LOC128125822: variants seen among roughly 807,000 people sequenced by gnomAD.
the LOC128125822 span, chr6:63,580,457 G>A: frequency 6.9e-6 from 2 of 288,480 alleles, no homozygotes; most frequent in Non-Finnish European, 6.6e-6. Context: ...ATTGAGTTAT[G>A]ACTTGTTAAA....
chr6:63,580,402 G>C, the LOC128125822 span: 1 of 462,650 alleles, frequency 2.2e-6, no homozygotes, highest in Non-Finnish European at 3.9e-6. Context: ...CATATAAAAT[G>C]TGCTTGTCAT....
At chr6:63,575,652 T>C in the LOC128125822 span, among the ~76,000 whole-genome samples, 2 of 152,186 alleles carry the variant, frequency 1.3e-5, no homozygotes, top group African/African-American at 4.8e-5. Flanking sequence ...ATTTTGGTTT[T>C]AAAATACAAA....
the LOC128125822 span, chr6:63,578,769 G>A: frequency 8.7e-7 from 1 of 1,153,508 alleles, no homozygotes; most frequent in Non-Finnish European, 1.2e-6. Context: ...AGACAACAGG[G>A]TTTAATAAGA....
the LOC128125822 span, chr6:63,576,718 A>G: frequency 1.6e-6 from 1 of 624,264 alleles, no homozygotes; most frequent in South Asian, 2.1e-5. Flanking sequence ...GCTTCTTGTT[A>G]GGAGGTTCAT....
At chr6:63,577,409 A>G in the LOC128125822 span, among the ~76,000 whole-genome samples, 2 of 152,222 alleles carry the variant, frequency 1.3e-5, no homozygotes, top group Admixed American at 1.3e-4. Flanking sequence ...AATGGTAGCT[A>G]TGTAGCCAAA....
the LOC128125822 span, chr6:63,573,159 C>T: frequency 1.3e-5 from 2 of 155,596 alleles, no homozygotes; most frequent in Non-Finnish European, 2.8e-5. Context: ...GTCCCGGGGC[C>T]TCTTTGTTCG....
chr6:63,574,855 C>T, the LOC128125822 span, among the ~76,000 whole-genome samples: 1 of 152,162 alleles, frequency 6.6e-6, no homozygotes, highest in Non-Finnish European at 1.5e-5. Flanking sequence ...TTACTACAAT[C>T]TGTATTCACT....
chr6:63,579,065 C>A, the LOC128125822 span: 1,410 of 1,530,418 alleles, frequency 9.2e-4, 3 homozygotes, highest in Non-Finnish European at 8.7e-4. Flanking sequence ...AGGTAAAAAT[C>A]TATTGATAAT....
the LOC128125822 span, among the ~76,000 whole-genome samples, chr6:63,575,490 G>A: frequency 6.6e-6 from 1 of 152,076 alleles, no homozygotes; most frequent in Non-Finnish European, 1.5e-5. Context: ...GTTCTTAAGG[G>A]GGAACTTAGA....
the LOC128125822 span, chr6:63,582,191 TG>T: frequency 6.6e-6 from 1 of 151,896 alleles, no homozygotes; most frequent in Non-Finnish European, 1.5e-5. Flanking sequence ...CCTGAGGTTT[TG>T]TTTTTTTTTT....
the LOC128125822 span, among the ~76,000 whole-genome samples, chr6:63,574,099 G>A: frequency 6.6e-6 from 1 of 152,172 alleles, no homozygotes; most frequent in African/African-American, 2.4e-5. Flanking sequence ...CTGAGGCAGT[G>A]CTTCCTGTTA....
chr6:63,579,206 A>G, the LOC128125822 span: 1 of 1,534,782 alleles, frequency 6.5e-7, no homozygotes, highest in Middle Eastern at 1.7e-4. Flanking sequence ...AAATAAATTT[A>G]CAAAGATCTG....
the LOC128125822 span, chr6:63,572,781 G>C: frequency 2.5e-6 from 1 of 398,258 alleles, no homozygotes; most frequent in Non-Finnish European, 4.4e-6. Flanking sequence ...CCCCATCCCC[G>C]CTGTCGCCTT....
At chr6:63,577,211 G>T in the LOC128125822 span, among the ~76,000 whole-genome samples, 18 of 152,324 alleles carry the variant, frequency 1.2e-4, no homozygotes, top group Non-Finnish European at 2.1e-4. Context: ...GCTTGAATTG[G>T]TATGTGGACA....
chr6:63,577,295 A>G, the LOC128125822 span, among the ~76,000 whole-genome samples: 2 of 152,140 alleles, frequency 1.3e-5, no homozygotes, highest in South Asian at 2.1e-4. Flanking sequence ...GATTTTTTAT[A>G]TATCTGCTTA....
chr6:63,583,316 ATGTT>A, the LOC128125822 span: 2 of 152,214 alleles, frequency 1.3e-5, no homozygotes, highest in African/African-American at 4.8e-5. Flanking sequence ...TTAAATTAAT[ATGTT>A]TGTGTGTATA....
chr6:63,572,521 CG>C, the LOC128125822 span: 1 of 390,702 alleles, frequency 2.6e-6, no homozygotes, highest in African/African-American at 2.1e-5. Flanking sequence ...CGGGCCGGCT[CG>C]GCTACGCGCT....
At chr6:63,578,384 G>C in the LOC128125822 span, 3 of 1,553,908 alleles carry the variant, frequency 1.9e-6, no homozygotes, top group Non-Finnish European at 2.6e-6. Context: ...AAAATGTTGA[G>C]TTATAGTGAT....
the LOC128125822 span, chr6:63,581,267 ATTTGT>A: frequency 2.6e-5 from 4 of 152,556 alleles, no homozygotes; most frequent in Non-Finnish European, 5.9e-5. Flanking sequence ...ATACTTGACA[ATTTGT>A]TTTATTATGT....
Sources: gnomAD v4.1 joint callset for allele counts (sites outside exome capture counted in the v4.1 genomes callset) on GRCh38, gnomAD v4.1.1 for gene constraint, MANE v1.5 for transcripts.